The following PDE1A variants were observed in gnomAD, a reference collection of about 807,000 sequenced individuals.
PDE1A encodes phosphodiesterase 1A.
In PDE1A, 35 loss-of-function variants were observed where a neutral mutation model predicts 61.7. That is an observed-to-expected ratio of 0.57 (90% CI 0.43 to 0.75). PDE1A has a LOEUF of 0.75. PDE1A is among the 30% of genes least tolerant of loss of function. PDE1A has a pLI of 0.00. For synonymous variants in PDE1A, 232 were observed against 213.2 expected, an observed-to-expected ratio of 1.09 and a Z score of -0.77; for missense variants, 597 against 630.6, an observed-to-expected ratio of 0.95 and a Z score of 0.57.
the PDE1A span, among the ~76,000 whole-genome samples, chr2:182,714,902 TG>T: frequency 6.6e-6 from 1 of 152,162 alleles, no homozygotes; most frequent in South Asian, 2.1e-4. Flanking sequence ...AACATTCTCC[TG>T]TTCTTTCTCC....
chr2:182,193,938 A>C (rs1009528097), intron 10 of PDE1A, among the ~76,000 whole-genome samples: 6 of 152,154 alleles, frequency 3.9e-5, no homozygotes, highest in African/African-American at 1.2e-4. Flanking sequence ...AGAATGGACT[A>C]AGTACATTTG....
intron 13 of PDE1A, among the ~76,000 whole-genome samples, chr2:182,161,525 G>T (rs1307895051): frequency 6.6e-6 from 1 of 151,954 alleles, no homozygotes; most frequent in East Asian, 1.9e-4. Flanking sequence ...CCCCTCTCTG[G>T]GATTAACTGC....
chr2:182,223,745 A>G, intron 7 of PDE1A, 119 bp downstream of exon 7: 1 of 575,726 alleles, frequency 1.7e-6, no homozygotes, highest in Non-Finnish European at 3.0e-6. Flanking sequence ...TTTGCTAAAA[A>G]TTAATTAAAC....
At chr2:182,483,494 C>A (rs1318756533) in intron 2 of PDE1A, among the ~76,000 whole-genome samples, 1 of 151,704 alleles carries the variant, frequency 6.6e-6, no homozygotes, top group African/African-American at 2.4e-5. Flanking sequence ...AAACTGACAA[C>A]ATAAAGAAAT....
At chr2:182,307,836 A>G (rs1418850280) in intron 1 of PDE1A, among the ~76,000 whole-genome samples, 1 of 152,130 alleles carries the variant, frequency 6.6e-6, no homozygotes, top group African/African-American at 2.4e-5. Context: ...AGCATGAACA[A>G]CAGATACAGA....
At chr2:182,437,952 G>A (rs534833996) in intron 2 of PDE1A, among the ~76,000 whole-genome samples, 1 of 151,850 alleles carries the variant, frequency 6.6e-6, no homozygotes, top group South Asian at 2.1e-4. Context: ...CTGCTGTTTT[G>A]AATGTACACA....
At chr2:182,231,958 GC>G (rs1328707574) in intron 4 of PDE1A, among the ~76,000 whole-genome samples, 2 of 151,982 alleles carry the variant, frequency 1.3e-5, no homozygotes, top group African/African-American at 4.8e-5. Flanking sequence ...AAATATCATA[GC>G]GAGATAGAGT....
chr2:182,350,854 C>G (rs1037962038), intron 1 of PDE1A, among the ~76,000 whole-genome samples: 1 of 152,146 alleles, frequency 6.6e-6, no homozygotes, highest in Non-Finnish European at 1.5e-5. Context: ...ACCAATATCA[C>G]CCTCACACGT....
intron 11 of PDE1A, among the ~76,000 whole-genome samples, chr2:182,187,628 C>A (rs1685320806): frequency 6.6e-6 from 1 of 151,374 alleles, no homozygotes; most frequent in East Asian, 1.9e-4. Context: ...TAATAAGGCA[C>A]ATTTTTAATT....
At chr2:182,348,940 G>C (rs1416022388) in intron 1 of PDE1A, among the ~76,000 whole-genome samples, 1 of 152,084 alleles carries the variant, frequency 6.6e-6, no homozygotes, top group Non-Finnish European at 1.5e-5. Context: ...GGGACAGTTT[G>C]AATTTCCGTA....
chr2:182,145,276 G>C (rs1690435089), downstream of PDE1A, among the ~76,000 whole-genome samples: 1 of 152,042 alleles, frequency 6.6e-6, no homozygotes. Flanking sequence ...AGGTGCTACT[G>C]AAGATCACAT....
chr2:182,220,054 C>T (rs1327354721), intron 7 of PDE1A, among the ~76,000 whole-genome samples: 1 of 151,884 alleles, frequency 6.6e-6, no homozygotes, highest in Non-Finnish European at 1.5e-5. Context: ...AAATGACCTA[C>T]CAGGCACTAT....
intron 13 of PDE1A, among the ~76,000 whole-genome samples, chr2:182,151,082 C>A (rs894541231): frequency 6.6e-6 from 1 of 152,102 alleles, no homozygotes; most frequent in African/African-American, 2.4e-5. Context: ...ATCCTCACAG[C>A]AAACTTATTA....
Position 182,363,859 on chromosome 2 carries a change from G to T in PDE1A, c.53+62719C>A, listed in dbSNP as rs114992062. On this transcript the variant is annotated intron_variant, in intron 1 of 13. Transcript: ENST00000351439. Reference sequence around the variant, plus strand: ...AGTCTCAATAAAAGATGTGTACCACGAACTATGCATATAAGATTTTAGAGG... The same window carrying T: ...AGTCTCAATAAAAGATGTGTACCACTAACTATGCATATAAGATTTTAGAGG... 3.3e-5 allele frequency among the ~76,000 whole-genome samples: 5 copies of T among 151,916 alleles called. No homozygotes were observed. In the East Asian group the frequency reaches 9.6e-4, roughly 29 times the overall value.
the PDE1A span, among the ~76,000 whole-genome samples, chr2:182,684,471 T>G: frequency 6.6e-6 from 1 of 152,214 alleles, no homozygotes; most frequent in Non-Finnish European, 1.5e-5. Context: ...AAATCCAAAC[T>G]GCAAGCCTTA....
chr2:182,269,579 G>T (rs1214263609), intron 1 of PDE1A, among the ~76,000 whole-genome samples: 2 of 151,970 alleles, frequency 1.3e-5, no homozygotes, highest in Non-Finnish European at 2.9e-5. Context: ...TTGATCAACT[G>T]TAAATACTTC....
chr2:182,567,842 G>T, the PDE1A span, among the ~76,000 whole-genome samples: 1 of 148,378 alleles, frequency 6.7e-6, no homozygotes, highest in Admixed American at 6.8e-5. Context: ...GCCAGGACTG[G>T]TGTGCAGTGG....
chr2:182,457,034 T>C (rs1162714259), intron 2 of PDE1A, among the ~76,000 whole-genome samples: 2 of 152,084 alleles, frequency 1.3e-5, no homozygotes, highest in African/African-American at 4.8e-5. Context: ...TAAGTATGAA[T>C]GCCTTTGAGA....
chr2:182,702,956 A>C, the PDE1A span, among the ~76,000 whole-genome samples: 540 of 152,344 alleles, frequency 3.5e-3, 2 homozygotes, highest in African/African-American at 0.012. Context: ...AATCACACAA[A>C]GTACTTTCTG....
Sources: allele counts gnomAD v4.1 joint callset (sites outside exome capture counted in the v4.1 genomes callset), GRCh38; gene constraint gnomAD v4.1.1; transcripts MANE v1.5; gene names NCBI Gene and HGNC (gene_info 2026-07-23, HGNC 2026-07-21).